SMOX: variants seen among roughly 807,000 people sequenced by gnomAD.
SMOX encodes the protein flavin containing amine oxidase.
A neutral mutation model predicts 51.0 loss-of-function variants in SMOX; 22 were observed. The observed-to-expected ratio is 0.43, with a 90% CI of 0.31 to 0.62. The LOEUF (loss-of-function observed/expected upper bound fraction) is 0.62, where lower values mean the gene tolerates loss of function less well. Among genes scored for constraint, SMOX ranks in the 20% least tolerant of loss-of-function variants. The probability of loss-of-function intolerance (pLI) is 0.10; values close to 1 mark genes in which losing one functional copy is unlikely to be tolerated. For synonymous variants in SMOX, 282 were observed against 307.8 expected (o/e 0.92, Z 0.88); for missense variants, 566 against 777.7 (o/e 0.73, Z 3.24).
chr20:4,175,634 T>C (rs1310346283), intron 2 of SMOX, among the ~76,000 whole-genome samples: 1 of 152,158 alleles, frequency 6.6e-6, no homozygotes, highest in Non-Finnish European at 1.5e-5. Flanking sequence ...TGTGAATTAG[T>C]ATAACATGAC....
At position 4,182,887 on chromosome 20, in the gene SMOX, C is replaced by T. The variant is rs1434671597; in HGVS notation, c.1369+39C>T. 3 of 1,573,272 alleles carry T rather than the reference C, an allele frequency of 1.9e-6. No individual in the cohort carries two copies. The highest frequency in any genetic ancestry group is 2.6e-6 in the Non-Finnish European group (3 of 1,165,190). On this transcript the variant is annotated intron_variant, in intron 5 of 6. Coordinates refer to ENST00000305958, the MANE Select transcript of SMOX (RefSeq NM_175839.3). This position sits in a 1 kb window ranked among gnomAD's most constrained non-coding sequence, Gnocchi z 8.4. ...CCCACGACCCGCTTCCCCCACCCTG[C>T]TTCTTCCTCACCTGCCCTCCTCTGG...
chr20:4,160,280 C>T (rs1444899401), intron 1 of SMOX, among the ~76,000 whole-genome samples: 1 of 152,212 alleles, frequency 6.6e-6, no homozygotes, highest in Non-Finnish European at 1.5e-5. Flanking sequence ...CTTGAGATGA[C>T]TCCTGCCAGC....
chr20:4,165,275 C>T (rs1201177808), intron 1 of SMOX, among the ~76,000 whole-genome samples: 11 of 152,148 alleles, frequency 7.2e-5, no homozygotes, highest in African/African-American at 2.2e-4. Flanking sequence ...AGGCTGGTCT[C>T]GAACTCCTGA....
chr20:4,178,692 T>C (rs1176705061), intron 3 of SMOX, among the ~76,000 whole-genome samples: 2 of 151,100 alleles, frequency 1.3e-5, no homozygotes, highest in Middle Eastern at 6.8e-3. Context: ...TTCTTTCTTT[T>C]TTTTTTTTGA....
intron 1 of SMOX, among the ~76,000 whole-genome samples, chr20:4,165,287 C>T (rs1407372885): frequency 6.6e-6 from 1 of 152,140 alleles, no homozygotes; most frequent in Non-Finnish European, 1.5e-5. Flanking sequence ...AACTCCTGAC[C>T]TCATGATCCG....
chr20:4,174,992 G>T, intron 1 of SMOX, 38 bp from the exon 2 acceptor site: 1 of 1,592,668 alleles, frequency 6.3e-7, no homozygotes, highest in Non-Finnish European at 8.6e-7. Context: ...GGAAGTGAAG[G>T]CAGAGCCACT....
At chr20:4,151,260 G>A (rs1985743590) in intron 1 of SMOX, among the ~76,000 whole-genome samples, 1 of 150,920 alleles carries the variant, frequency 6.6e-6, no homozygotes, top group Admixed American at 6.6e-5. Flanking sequence ...AAGGCCCCAG[G>A]CTACCTGCCC....
rs1380839960 is a variant in SMOX, at chr20:4,153,114, C to A, written c.-27+4137C>A. On this transcript the variant is annotated intron_variant, in intron 1 of 6. Coordinates refer to ENST00000305958, the MANE Select transcript of SMOX (RefSeq NM_175839.3). The surrounding 1 kb of genome is among the most constrained non-coding windows in gnomAD (Gnocchi z 4.4). Reference sequence around the variant, plus strand: ...GGGGTCCTCGCTTGGAGTGGGTGACCGAATTTTTCTGCTTCATGCCCCACT... The same window carrying A: ...GGGGTCCTCGCTTGGAGTGGGTGACAGAATTTTTCTGCTTCATGCCCCACT... Among the ~76,000 whole-genome samples, 1 of 152,066 alleles carries A rather than the reference C, an allele frequency of 6.6e-6. No homozygotes were observed. The highest frequency in any genetic ancestry group is 2.1e-4 in the South Asian group (1 of 4,822).
Position 4,183,371 on chromosome 20 carries a change from C to A in SMOX, c.1370-123C>A. ...TTCCTCTTCTATCCTCCGTGCCTAC[C>A]CCTGGCAGTCTGGTCCTCCCGGAGC... On this transcript the variant is annotated intron_variant, in intron 5 of 6. Coordinates refer to ENST00000305958, the MANE Select transcript of SMOX (RefSeq NM_175839.3). The surrounding 1 kb of genome is among the most constrained non-coding windows in gnomAD (Gnocchi z 4.3). 2 of 1,429,526 alleles carry A rather than the reference C, an allele frequency of 1.4e-6. No homozygotes were observed. Among genetic ancestry groups the A allele is most frequent in the Non-Finnish European group, 9.8e-7 (1 of 1,020,618 alleles). 88.6% of individuals were successfully genotyped at this position (1,429,526 alleles called of 1,614,324 possible).
In SMOX at chr20:4,175,076, T is replaced by G. The variant is rs138030828; in HGVS notation, c.21T>G (p.Ser7Arg). 1,797 of 1,614,180 alleles carry G rather than the reference T, an allele frequency of 1.1e-3. 5 individuals carry two copies. Among genetic ancestry groups the G allele is most frequent in the Admixed American group, 1.8e-3 (108 of 60,018 alleles). ...ACGGTATGCAAAGTTGTGAATCCAG[T>G]GGTGACAGTGCGGATGACCCTCTCA... MQSCES[S>R]GDSADDPLSR... Residue 7 changes from serine to arginine, a missense_variant, in exon 2 of 7, where the codon AGT (serine) becomes AGG (arginine). Physicochemically the swap from Ser to Arg is moderately radical, Grantham distance 110. Transcript: ENST00000305958.
chr20:4,152,872 G>A (rs1208669856), intron 1 of SMOX, among the ~76,000 whole-genome samples: 1 of 152,186 alleles, frequency 6.6e-6, no homozygotes, highest in African/African-American at 2.4e-5. Context: ...TTTACAGACG[G>A]GAGGACTGAG....
At position 4,153,996 on chromosome 20, in the gene SMOX, T is replaced by TGAGC. The variant is rs1287221666; in HGVS notation, c.-27+5020_-27+5023dup. On this transcript the variant is annotated intron_variant, in intron 1 of 6. Transcript: ENST00000305958. This position sits in a 1 kb window ranked among gnomAD's most constrained non-coding sequence, Gnocchi z 4.4. ...GTTCCTGCTCTCCAGGAAATAAACG[T>TGAGC]GAGCCATGCCAGGTGTGATATAATG... Among the ~76,000 whole-genome samples, 1 of 152,138 alleles carries TGAGC rather than the reference T, an allele frequency of 6.6e-6. No homozygotes were observed. The highest frequency in any genetic ancestry group is 2.4e-5 in the African/African-American group (1 of 41,406).
At chr20:4,163,558 A>T (rs529709026) in intron 1 of SMOX, among the ~76,000 whole-genome samples, 1 of 152,352 alleles carries the variant, frequency 6.6e-6, no homozygotes, top group African/African-American at 2.4e-5. Context: ...AATGGCAGTC[A>T]GCATTTATTA....
intron 1 of SMOX, among the ~76,000 whole-genome samples, chr20:4,155,685 C>T (rs865907320): frequency 1.3e-4 from 19 of 152,000 alleles, no homozygotes; most frequent in Admixed American, 9.2e-4. Flanking sequence ...TGGAAAAAAC[C>T]ATCCGGGTTG....
intron 1 of SMOX, among the ~76,000 whole-genome samples, chr20:4,151,209 G>A (rs1309767591): frequency 2.0e-5 from 3 of 151,888 alleles, no homozygotes; most frequent in Admixed American, 6.6e-5. Flanking sequence ...TTTTCACAAC[G>A]TTGATCTCAA....
rs139800671 is a variant in SMOX at position 4,186,067 on chromosome 20, C to T, written c.1531-1203C>T. On this transcript the variant is annotated intron_variant, in intron 6 of 6. Coordinates refer to ENST00000305958, the MANE Select transcript of SMOX (RefSeq NM_175839.3). Reference sequence around the variant, plus strand: ...CCATAATCCCAGCACTATGGGAGGCCGAAGTGGGAGGATGGCTTGAGCTCA... The same window carrying T: ...CCATAATCCCAGCACTATGGGAGGCTGAAGTGGGAGGATGGCTTGAGCTCA... Among the ~76,000 whole-genome samples, 173 of 152,074 alleles carry T rather than the reference C, an allele frequency of 1.1e-3. 1 individual carries two copies. Among genetic ancestry groups the T allele is most frequent in the East Asian group, 0.01 (52 of 5,182 alleles).
intron 1 of SMOX, among the ~76,000 whole-genome samples, chr20:4,168,932 T>G (rs188493770): frequency 0.016 from 2,045 of 129,612 alleles, 61 homozygotes; most frequent in African/African-American, 0.063. Context: ...TTTATTTTAT[T>G]TTATTTTATT....
In SMOX at chr20:4,183,902, T is replaced by C. The variant is rs1173985796; in HGVS notation, c.1530+248T>C. Among the ~76,000 whole-genome samples the C allele has an allele frequency of 6.6e-6, 1 of 152,208 alleles. No homozygotes were observed. Among genetic ancestry groups the C allele is most frequent in the Non-Finnish European group, 1.5e-5 (1 of 68,038 alleles). On this transcript the variant is annotated intron_variant, in intron 6 of 6. Transcript: ENST00000305958. The surrounding 1 kb of genome is among the most constrained non-coding windows in gnomAD (Gnocchi z 4.3). ...TTATGAAAACTGAGCTATTCCATGC[T>C]GTGCTGGCCAATACGGTAGCTATCA...
At chr20:4,161,827 A>G (rs1347713584) in intron 1 of SMOX, among the ~76,000 whole-genome samples, 5 of 152,140 alleles carry the variant, frequency 3.3e-5, no homozygotes, top group Non-Finnish European at 5.9e-5. Flanking sequence ...ACCTTTTTGA[A>G]TGAACGAAAA....
Sources: gnomAD v4.1 joint callset for allele counts (sites outside exome capture counted in the v4.1 genomes callset) on GRCh38, gnomAD v4.1.1 for gene constraint, Gnocchi (gnomAD v3.1) non-coding constraint, MANE v1.5 for transcripts, NCBI Gene and HGNC (gene_info 2026-07-23, HGNC 2026-07-21) for gene names.